Variants in DNM3 observed in about 807,000 individuals in gnomAD.
The protein encoded by DNM3 is dynamin-3.
In DNM3, 47 loss-of-function variants were observed where a neutral mutation model predicts 101.6. That is an observed-to-expected ratio of 0.46 (90% confidence interval 0.37 to 0.59). The LOEUF (loss-of-function observed/expected upper bound fraction) is 0.59. DNM3 is among the 20% of genes least tolerant of loss of function. DNM3 has a pLI of 0.00. For synonymous variants in DNM3, 385 were observed against 387.9 expected (o/e 0.99, Z 0.09); for missense variants, 849 against 1,085.7 (o/e 0.78, Z 3.06).
At chr1:172,296,105 C>T (rs1025246873) in intron 15 of DNM3, among the ~76,000 whole-genome samples, 14 of 152,272 alleles carry the variant, frequency 9.2e-5, no homozygotes, top group African/African-American at 3.1e-4. Flanking sequence ...AATATTTATG[C>T]GTATGAGATT....
At chr1:172,398,877 T>C (rs574254492) in intron 20 of DNM3, among the ~76,000 whole-genome samples, 1 of 152,344 alleles carries the variant, frequency 6.6e-6, no homozygotes, top group African/African-American at 2.4e-5. Flanking sequence ...AATGTGGGTG[T>C]ACCATTAAGG....
intron 17 of DNM3, among the ~76,000 whole-genome samples, chr1:172,326,166 C>T (rs2065929549): frequency 6.6e-6 from 1 of 152,192 alleles, no homozygotes. Flanking sequence ...CACATTCTTC[C>T]TGCACAATCA....
At chr1:172,285,153 C>T (rs1480659665) in intron 15 of DNM3, among the ~76,000 whole-genome samples, 3 of 152,178 alleles carry the variant, frequency 2.0e-5, no homozygotes. Flanking sequence ...AAAACACAGG[C>T]TGCCACTGAA....
intron 17 of DNM3, among the ~76,000 whole-genome samples, chr1:172,357,900 C>T (rs188694321): frequency 1.5e-3 from 235 of 152,112 alleles, no homozygotes; most frequent in African/African-American, 5.3e-3. Context: ...CAGTTCTGTC[C>T]ACAGACATCA....
intron 15 of DNM3, among the ~76,000 whole-genome samples, chr1:172,266,621 A>G (rs756573003): frequency 2.0e-5 from 3 of 152,192 alleles, no homozygotes; most frequent in Non-Finnish European, 4.4e-5. Flanking sequence ...CTTGTCTTCT[A>G]AATACCCTGA....
At chr1:172,164,817 T>C (rs1010958446) in intron 14 of DNM3, among the ~76,000 whole-genome samples, 1 of 151,956 alleles carries the variant, frequency 6.6e-6, no homozygotes, top group Non-Finnish European at 1.5e-5. Flanking sequence ...AGGAAGGTAG[T>C]GGGAGTGGTT....
In DNM3 at chr1:171,995,165, G is replaced by T. The variant is rs2045918994; in HGVS notation, c.589+6017G>T. 2.1e-5 allele frequency among the ~76,000 whole-genome samples: 3 copies of T among 139,652 alleles called. No individual in the cohort carries two copies. In the Admixed American group the frequency reaches 2.3e-4, roughly 11 times the overall value. 91.6% of individuals were successfully genotyped at this position (139,652 alleles called of 152,430 possible). On this transcript the variant is annotated intron_variant, in intron 4 of 20. Coordinates refer to ENST00000627582, the MANE Select transcript of DNM3 (RefSeq NM_015569.5). ...TTGCTGCCCAGGCTGGAGTGCAATG[G>T]CACAGTCTCGGCTCACTGCAACCTC...
At chr1:172,132,850 A>T (rs2057013849) in intron 14 of DNM3, 2 of 767,884 alleles carry the variant, frequency 2.6e-6, no homozygotes, top group African/African-American at 1.7e-5. Flanking sequence ...ACCTTTTTTT[A>T]AAAAAGTCTT....
At chr1:172,282,524 C>G (rs905894946) in intron 15 of DNM3, among the ~76,000 whole-genome samples, 65 of 152,126 alleles carry the variant, frequency 4.3e-4, no homozygotes, top group Admixed American at 7.9e-4. Flanking sequence ...TTCCTTCCAT[C>G]ACATCATACT....
chr1:171,993,937 T>G (rs1307779249), intron 4 of DNM3, among the ~76,000 whole-genome samples: 2 of 152,068 alleles, frequency 1.3e-5, no homozygotes, highest in African/African-American at 2.4e-5. Flanking sequence ...TATTTGGTTC[T>G]TTTAAAAAAA....
chr1:172,051,193 T>A (rs554813358), intron 10 of DNM3, among the ~76,000 whole-genome samples: 1 of 152,346 alleles, frequency 6.6e-6, no homozygotes, highest in African/African-American at 2.4e-5. Context: ...TTATTGGGTA[T>A]GACATTTGCC....
chr1:171,848,217 C>T (rs2032454205), intron 1 of DNM3, among the ~76,000 whole-genome samples: 2 of 152,110 alleles, frequency 1.3e-5, no homozygotes, highest in Admixed American at 1.3e-4. Flanking sequence ...TTTTCCCATC[C>T]CTTTGCATTG....
chr1:172,203,287 C>T (rs545706962), intron 14 of DNM3, among the ~76,000 whole-genome samples: 1 of 152,242 alleles, frequency 6.6e-6, no homozygotes, highest in Non-Finnish European at 1.5e-5. Flanking sequence ...TCCTTGTGAG[C>T]CCTCAAGTGC....
At chr1:172,276,976 G>A (rs1229041346) in intron 15 of DNM3, among the ~76,000 whole-genome samples, 1 of 151,950 alleles carries the variant, frequency 6.6e-6, no homozygotes, top group African/African-American at 2.4e-5. Context: ...AGTTCATTAT[G>A]TTTTCTTTAA....
At chr1:172,169,189 C>T (rs189545314) in intron 14 of DNM3, among the ~76,000 whole-genome samples, 13 of 151,900 alleles carry the variant, frequency 8.6e-5, no homozygotes, top group Non-Finnish European at 1.9e-4. Flanking sequence ...AGGGGATATT[C>T]CTCCATTGCA....
At chr1:172,260,762 T>C (rs969038940) in intron 15 of DNM3, among the ~76,000 whole-genome samples, 1 of 152,184 alleles carries the variant, frequency 6.6e-6, no homozygotes, top group Admixed American at 6.5e-5. Context: ...ATCTTCTTTT[T>C]TTCACCCATT....
chr1:172,214,466 T>C (rs974552099), intron 14 of DNM3, among the ~76,000 whole-genome samples: 1 of 151,954 alleles, frequency 6.6e-6, no homozygotes, highest in Non-Finnish European at 1.5e-5. Flanking sequence ...AAAAAAAGTT[T>C]GGATACATAT....
Position 172,388,780 on chromosome 1 carries a change from G to A in DNM3, c.2493G>A (p.Arg831=). The A allele has an allele frequency of 6.3e-7, 1 of 1,596,702 alleles. No individual in the cohort carries two copies. ...GAGCCCCTCCACAAGTTCCATCTAG[G>A]CCTACGAGGGCCCCGCCCAGTGTCC... ...SFGAPPQVPS[R]PTRAPPSVPS... The change falls in exon 20 of 21, where the codon AGG becomes AGA. Residue 831 remains arginine (R), a synonymous_variant. Transcript: ENST00000627582.
chr1:172,237,126 A>G (rs1035767531), intron 14 of DNM3, among the ~76,000 whole-genome samples: 2 of 152,210 alleles, frequency 1.3e-5, no homozygotes, highest in African/African-American at 4.8e-5. Flanking sequence ...TACATATGTC[A>G]GTATGAATTA....
Sources: gnomAD v4.1 joint callset for allele counts (sites outside exome capture counted in the v4.1 genomes callset) on GRCh38, gnomAD v4.1.1 for gene constraint, MANE v1.5 for transcripts, NCBI Gene and HGNC (gene_info 2026-07-23, HGNC 2026-07-21) for gene names.